Variants in DDX42 observed in about 807,000 individuals in gnomAD.
DDX42 encodes the protein ATP-dependent RNA helicase DDX42.
Under a neutral mutation model 101.5 loss-of-function variants are expected in DDX42, and 22 were observed. That is an observed-to-expected ratio of 0.22 (90% CI 0.15 to 0.31). The LOEUF (loss-of-function observed/expected upper bound fraction) is 0.31. Among genes scored for constraint, DDX42 ranks in the 10% least tolerant of loss-of-function variants. The pLI, the probability that DDX42 is intolerant of heterozygous loss-of-function variation, is 1.00. For missense variants in DDX42, 849 were observed against 1,199.9 expected (o/e 0.71, Z 4.32); for synonymous variants, 402 against 401.2 (o/e 1.00, Z -0.02).
chr17:63,796,342 C>G (rs1472396943), intron 3 of DDX42, among the ~76,000 whole-genome samples: 1 of 152,070 alleles, frequency 6.6e-6, no homozygotes, highest in Non-Finnish European at 1.5e-5. Flanking sequence ...GGAGCTTCAC[C>G]CTTGTTGCCC....
intron 1 of DDX42, among the ~76,000 whole-genome samples, chr17:63,779,067 T>G (rs1207983580): frequency 1.3e-5 from 2 of 152,202 alleles, no homozygotes; most frequent in Non-Finnish European, 2.9e-5. Context: ...CACTTAGGGT[T>G]GTTCTTTTTT....
At chr17:63,810,438 T>C (rs2039896131) in intron 11 of DDX42, 75 bp from the exon 12 acceptor site, 2 of 1,490,796 alleles carry the variant, frequency 1.3e-6, no homozygotes, top group Non-Finnish European at 1.9e-6. Flanking sequence ...TGAAGACTTT[T>C]ACTAATATGG....
chr17:63,815,598 G>T lies in DDX42; in HGVS notation c.1938G>T (p.Gly646=), dbSNP rs1457412378. 6.2e-7 allele frequency: 1 copy of T among 1,613,926 alleles called. No homozygotes were observed. Among genetic ancestry groups the T allele is most frequent in the Non-Finnish European group, 8.5e-7 (1 of 1,179,916 alleles). ...AWFRKSRFKG[G]KGKKLNIGGG... Reference sequence around the variant, plus strand: ...TTCGGAAATCTCGATTCAAAGGAGGGAAAGGAAAAAAGCTGAACATTGGTG... The same window carrying T: ...TTCGGAAATCTCGATTCAAAGGAGGTAAAGGAAAAAAGCTGAACATTGGTG... Residue 646 remains glycine, a synonymous_variant, in exon 16 of 18, where the codon GGG becomes GGT. Coordinates refer to ENST00000389924, the MANE Select transcript of DDX42 (RefSeq NM_203499.3).
intron 4 of DDX42, 60 bp downstream of exon 4, chr17:63,798,159 T>G (rs375840253): frequency 1.2e-5 from 18 of 1,506,528 alleles, no homozygotes; most frequent in Non-Finnish European, 1.7e-5. Context: ...TATTGCAAAG[T>G]CTATTCCCCC....
chr17:63,781,566 A>G (rs2039488180), intron 1 of DDX42, among the ~76,000 whole-genome samples: 1 of 151,854 alleles, frequency 6.6e-6, no homozygotes, highest in Non-Finnish European at 1.5e-5. Flanking sequence ...CTGCCTATAG[A>G]GCTTCTTTCT....
At chr17:63,807,984 A>G in intron 9 of DDX42, 84 bp downstream of exon 9, 2 of 1,382,998 alleles carry the variant, frequency 1.4e-6, no homozygotes, top group Non-Finnish European at 9.7e-7. Context: ...TGACCAGGAA[A>G]CTTTTTTTTT....
chr17:63,818,053 T>C lies in DDX42; in HGVS notation c.2472T>C (p.Thr824=). The C allele has an allele frequency of 1.2e-6, 2 of 1,613,916 alleles. No homozygotes were observed. The highest frequency in any genetic ancestry group is 1.7e-6 in the Non-Finnish European group (2 of 1,179,970). ...GCAGCCGTCACAGTCACGGAGAGAC[T>C]GGCAATCGGCATAGCGATAGTCCAC... The part of the protein sequence containing the change: ...RGSSRHSHGE[T]GNRHSDSPRH... The change falls in exon 18 of 18, where the codon ACT becomes ACC. Residue 824 remains threonine, a synonymous_variant. Transcript: ENST00000389924.
At chr17:63,801,335 G>A (rs563678087) in intron 6 of DDX42, among the ~76,000 whole-genome samples, 13 of 152,144 alleles carry the variant, frequency 8.5e-5, no homozygotes, top group African/African-American at 3.1e-4. Flanking sequence ...GATTACAGGC[G>A]TGAGCCACCG....
At chr17:63,787,922 T>TTTGGG (rs141481953) in intron 2 of DDX42, among the ~76,000 whole-genome samples, 2 of 144,066 alleles carry the variant, frequency 1.4e-5, no homozygotes, top group Non-Finnish European at 3.0e-5. Flanking sequence ...TTTTTTTTTT[T>TTTGGG]GGAGGCAGAG....
rs2039995547 is a variant in DDX42 at position 63,817,855 on chromosome 17, TGCC to T, written c.2278_2280del (p.Ala760del). 2 of 1,614,180 alleles carry T rather than the reference TGCC, an allele frequency of 1.2e-6. No homozygotes were observed. Among genetic ancestry groups the T allele is most frequent in the East Asian group, 4.5e-5 (2 of 44,884 alleles). ...ACAGTCCTGACAGCCCCGTCACCAG[TGCC>T]GCCAAGGGCATCCCAGGCTTTGGCA... On this transcript the variant is annotated inframe_deletion, in exon 18 of 18. Coordinates refer to ENST00000389924, the MANE Select transcript of DDX42 (RefSeq NM_203499.3).
chr17:63,815,514 T>C, intron 15 of DDX42, 49 bp from the exon 16 acceptor site: 5 of 1,401,990 alleles, frequency 3.6e-6, no homozygotes, highest in Non-Finnish European at 5.0e-6. Flanking sequence ...TCTCTTCTTC[T>C]GTTCTTTTCT....
chr17:63,810,561 G>GTA lies in DDX42; in HGVS notation c.1300+3_1300+4dup, dbSNP rs751750076. The stretch of plus-strand genomic sequence containing the variant: ...AGTCATGTTCGTCCTGACAGGCAGA[G>GTA]TATGTATGAAGCACCTTTGTTAAAC... On this transcript the variant is annotated splice_donor_variant, in intron 12 of 17. Transcript: ENST00000389924. LOFTEE classifies it high-confidence loss of function. 1 of 1,613,932 alleles carries GTA rather than the reference G, an allele frequency of 6.2e-7. No homozygotes were observed. Among genetic ancestry groups the GTA allele is most frequent in the Non-Finnish European group, 8.5e-7 (1 of 1,180,008 alleles).
chr17:63,793,321 G>A (rs1167641658), intron 3 of DDX42, among the ~76,000 whole-genome samples: 1 of 151,214 alleles, frequency 6.6e-6, no homozygotes, highest in Non-Finnish European at 1.5e-5. Context: ...TGGCTAGAGT[G>A]TAGTAGTATG....
At chr17:63,792,327 T>C (rs2039638122) in intron 2 of DDX42, 85 bp from the exon 3 acceptor site, 1 of 1,428,066 alleles carries the variant, frequency 7.0e-7, no homozygotes, top group African/African-American at 1.4e-5. Context: ...TAATAAGATA[T>C]ACCATAATAA....
intron 17 of DDX42, 167 bp from the exon 18 acceptor site, chr17:63,817,527 T>A: frequency 1.6e-6 from 1 of 644,524 alleles, no homozygotes; most frequent in Non-Finnish European, 2.6e-6. Flanking sequence ...AAGTTTTCCT[T>A]TATAGCACAA....
At chr17:63,778,175 G>A (rs561040386) in intron 1 of DDX42, among the ~76,000 whole-genome samples, 1 of 152,284 alleles carries the variant, frequency 6.6e-6, no homozygotes, top group African/African-American at 2.4e-5. Context: ...ACCAAAGGAG[G>A]TAAAACTTGC....
intron 3 of DDX42, among the ~76,000 whole-genome samples, chr17:63,795,215 G>C (rs1383476901): frequency 6.6e-6 from 1 of 152,230 alleles, no homozygotes; most frequent in Non-Finnish European, 1.5e-5. Flanking sequence ...GTGGCAGAAA[G>C]AGGCTATTGC....
intron 6 of DDX42, 126 bp downstream of exon 6, chr17:63,800,743 C>CCACTTAGTAGAGA: frequency 8.3e-7 from 1 of 1,198,094 alleles, no homozygotes; most frequent in Non-Finnish European, 1.1e-6. Context: ...GTCATCTCTA[C>CCACTTAGTAGAGA]TAAGTGGTTG....
intron 5 of DDX42, 138 bp from the exon 6 acceptor site, chr17:63,800,330 A>G (rs2039747210): frequency 4.7e-6 from 3 of 643,112 alleles, no homozygotes; most frequent in Non-Finnish European, 7.7e-6. Flanking sequence ...TAAAGGAATC[A>G]TTGCTAGTAA....
Sources: allele counts gnomAD v4.1 joint callset (sites outside exome capture counted in the v4.1 genomes callset), GRCh38; gene constraint gnomAD v4.1.1; transcripts MANE v1.5; gene names NCBI Gene and HGNC (gene_info 2026-07-23, HGNC 2026-07-21).